TXNRD2: variants seen among roughly 807,000 people sequenced by gnomAD.
The protein encoded by TXNRD2 is thioredoxin reductase 2, also known as thioredoxin reductase 2, mitochondrial.
A neutral mutation model predicts 70.8 loss-of-function variants in TXNRD2; 67 were observed. The observed-to-expected ratio is 0.95, with a 90% CI of 0.78 to 1.16. The LOEUF (loss-of-function observed/expected upper bound fraction) is 1.16. Among genes scored for constraint, TXNRD2 ranks in the 50% most tolerant of loss-of-function variants. The pLI is 0.00. For synonymous variants in TXNRD2, 301 were observed against 295.8 expected, an observed-to-expected ratio of 1.02 and a Z score of -0.18; for missense variants, 644 against 719.9, an observed-to-expected ratio of 0.89 and a Z score of 1.21.
intron 1 of TXNRD2, among the ~76,000 whole-genome samples, chr22:19,935,745 G>A (rs894251132): frequency 1.3e-5 from 2 of 152,172 alleles, no homozygotes; most frequent in African/African-American, 2.4e-5. Flanking sequence ...AAGAACGTAC[G>A]TTGAAATATT....
At chr22:19,911,307 A>G in intron 8 of TXNRD2, 70 bp downstream of exon 8, 1 of 1,244,966 alleles carries the variant, frequency 8.0e-7, no homozygotes, top group Non-Finnish European at 1.2e-6. Flanking sequence ...GCACCAGCAC[A>G]GGCTCTAAGG....
At chr22:19,910,807 G>C (rs562285477) in intron 8 of TXNRD2, 7 of 189,416 alleles carry the variant, frequency 3.7e-5, no homozygotes, top group African/African-American at 1.7e-4. Flanking sequence ...GGGTGTGGTG[G>C]CTCACGCTTG....
intron 8 of TXNRD2, 132 bp from the exon 9 acceptor site, chr22:19,899,200 A>C: frequency 8.5e-7 from 1 of 1,174,306 alleles, no homozygotes; most frequent in Admixed American, 1.9e-5. Flanking sequence ...CTGTTCAAAC[A>C]GCTTGCCCCA....
chr22:19,878,405 G>A lies in TXNRD2; in HGVS notation c.1308C>T (p.Phe436=), dbSNP rs190301927. 556 of 1,613,830 alleles carry A rather than the reference G, an allele frequency of 3.4e-4. 1 individual carries two copies. In the Middle Eastern group the frequency reaches 3.6e-3, roughly 11 times the overall value. ...VYHAHYKPLE[F]TVAGRDASQC... is the part of the protein sequence containing the mutation. Reference sequence around the variant, plus strand: ...GGGATGCATCTCGTCCAGCCACCGTGAACTCCAGTGGTTTATAATGGGCGT... The same window carrying A: ...GGGATGCATCTCGTCCAGCCACCGTAAACTCCAGTGGTTTATAATGGGCGT... Residue 436 remains phenylalanine (F), a synonymous_variant, in exon 15 of 18, where the codon TTC becomes TTT. Transcript: ENST00000400521.
At chr22:19,877,935 G>A (rs1004393282) in intron 16 of TXNRD2, among the ~76,000 whole-genome samples, 155 bp downstream of exon 16, 2 of 152,126 alleles carry the variant, frequency 1.3e-5, no homozygotes, top group Admixed American at 1.3e-4. Context: ...CCTAAAACCC[G>A]CCCTGTCTGA....
chr22:19,924,442 C>T (rs901873153), intron 2 of TXNRD2, among the ~76,000 whole-genome samples: 6 of 152,256 alleles, frequency 3.9e-5, no homozygotes, highest in Admixed American at 1.3e-4. Flanking sequence ...GAAGGGGTGA[C>T]GGTTTACTTT....
chr22:19,930,930 G>A (rs1440315101), intron 2 of TXNRD2, 100 bp downstream of exon 2: 3 of 1,050,524 alleles, frequency 2.9e-6, no homozygotes, highest in Non-Finnish European at 4.4e-6. Context: ...CCAGCAGGGA[G>A]GCAACGCATT....
intron 16 of TXNRD2, among the ~76,000 whole-genome samples, chr22:19,877,808 G>A (rs142086687): frequency 3.9e-5 from 6 of 152,340 alleles, no homozygotes; most frequent in African/African-American, 9.6e-5. Context: ...TCATGGTGGC[G>A]TGGTGCTTGG....
At chr22:19,909,145 G>A (rs1006690025) in intron 8 of TXNRD2, among the ~76,000 whole-genome samples, 4 of 150,564 alleles carry the variant, frequency 2.7e-5, no homozygotes, top group Non-Finnish European at 5.9e-5. Flanking sequence ...GGCAGAGGTT[G>A]CAGTGAGCCG....
chr22:19,909,588 C>CCACG (rs1940238964), intron 8 of TXNRD2, among the ~76,000 whole-genome samples: 1 of 93,662 alleles, frequency 1.1e-5, no homozygotes, highest in Admixed American at 1.1e-4. Context: ...CACACACACA[C>CCACG]CACACACACC....
In TXNRD2 at chr22:19,914,971, G is replaced by A. The variant is rs145232439; in HGVS notation, c.591+243C>T. 1.2e-4 allele frequency: 62 copies of A among 517,696 alleles called. 1 individual carries two copies. Among genetic ancestry groups the A allele is most frequent in the African/African-American group, 9.6e-4 (50 of 51,952 alleles). The allele number at this position is 517,696 out of a possible 1,614,324, so 32.1% of individuals were successfully genotyped here. On this transcript the variant is annotated intron_variant, in intron 7 of 17. Coordinates refer to ENST00000400521, the MANE Select transcript of TXNRD2 (RefSeq NM_006440.5). ...TGGTGTGGAAGGGGACAGATCCAGC[G>A]GGGCAGGGGGAGAGCAGAACGAGAG...
chr22:19,924,215 C>T (rs1007448361), intron 2 of TXNRD2, among the ~76,000 whole-genome samples: 23 of 152,048 alleles, frequency 1.5e-4, no homozygotes, highest in Admixed American at 5.9e-4. Flanking sequence ...AAGGGGAGGA[C>T]AGTGCCTTAT....
intron 11 of TXNRD2, among the ~76,000 whole-genome samples, chr22:19,892,245 C>T (rs567329459): frequency 3.9e-5 from 6 of 152,346 alleles, no homozygotes; most frequent in East Asian, 1.9e-4. Context: ...AAAGGCTTAT[C>T]GTACAAACCA....
chr22:19,909,885 ACTCACACACACACAC>A (rs1569093938), intron 8 of TXNRD2, among the ~76,000 whole-genome samples: 108 of 43,642 alleles, frequency 2.5e-3, no homozygotes, highest in Admixed American at 5.1e-3. Context: ...CACACACACC[ACTCACACACACACAC>A]ACCACACACC....
At chr22:19,928,583 G>A (rs1386950274) in intron 2 of TXNRD2, among the ~76,000 whole-genome samples, 1 of 152,178 alleles carries the variant, frequency 6.6e-6, no homozygotes, top group African/African-American at 2.4e-5. Flanking sequence ...AAGCCGGAAG[G>A]AACTGCCAAG....
At chr22:19,927,651 C>CAAAAAAAAAAAAAAAAAAAAAAAA (rs149665821) in intron 2 of TXNRD2, among the ~76,000 whole-genome samples, 3 of 68,404 alleles carry the variant, frequency 4.4e-5, no homozygotes, top group Non-Finnish European at 8.4e-5. Context: ...GACCTTGTCT[C>CAAAAAAAAAAAAAAAAAAAAAAAA]AAAAAAAAAA....
chr22:19,877,649 CT>C (rs1364765227), intron 16 of TXNRD2, among the ~76,000 whole-genome samples: 1 of 152,054 alleles, frequency 6.6e-6, no homozygotes, highest in Admixed American at 6.5e-5. Context: ...CCAACTACCC[CT>C]GTCAACCCAC....
At chr22:19,932,450 G>A in intron 1 of TXNRD2, 2 of 1,607,698 alleles carry the variant, frequency 1.2e-6, no homozygotes, top group South Asian at 1.1e-5. Context: ...CAAGCTACTG[G>A]CGAGGAAGGC....
At chr22:19,915,101 G>A (rs994464024) in intron 7 of TXNRD2, 113 bp downstream of exon 7, 57 of 950,734 alleles carry the variant, frequency 6.0e-5, no homozygotes, top group Admixed American at 8.0e-5. Context: ...TGAGTATAGG[G>A]GGAAAGGGTG....
Sources: allele counts gnomAD v4.1 joint callset (sites outside exome capture counted in the v4.1 genomes callset), GRCh38; gene constraint gnomAD v4.1.1; transcripts MANE v1.5; gene names NCBI Gene and HGNC (gene_info 2026-07-23, HGNC 2026-07-21).